The following DLGAP2 variants were observed in gnomAD, a reference collection of about 807,000 sequenced individuals.
The protein encoded by DLGAP2 is DLG associated protein 2.
Under a neutral mutation model 100.3 loss-of-function variants are expected in DLGAP2, and 26 were observed. The observed-to-expected ratio is 0.26, with a 90% confidence interval of 0.19 to 0.36. The LOEUF is 0.36. Ranked by LOEUF, DLGAP2 falls within the 10% of genes least tolerant of loss-of-function variation. DLGAP2 has a pLI of 1.00. For missense variants in DLGAP2, 1,858 were observed against 1,453.2 expected (o/e 1.28, Z -4.53); for synonymous variants, 886 against 630.1 (o/e 1.41, Z -6.08).
chr8:1,439,999 T>A (rs370070183), intron 3 of DLGAP2, among the ~76,000 whole-genome samples: 4 of 152,162 alleles, frequency 2.6e-5, no homozygotes, highest in African/African-American at 4.8e-5. Flanking sequence ...AGAGCCACAC[T>A]CTAGTAAGTG....
intron 2 of DLGAP2, among the ~76,000 whole-genome samples, chr8:1,229,979 C>T (rs1327733278): frequency 6.6e-6 from 1 of 152,176 alleles, no homozygotes; most frequent in Non-Finnish European, 1.5e-5. Context: ...GATGCCCACT[C>T]TCACCACTCC....
At chr8:1,554,269 C>A (rs1801880073) in intron 5 of DLGAP2, among the ~76,000 whole-genome samples, 1 of 151,658 alleles carries the variant, frequency 6.6e-6, no homozygotes, top group African/African-American at 2.4e-5. Flanking sequence ...GCCTGGGTGA[C>A]AGAGCAAGAC....
intron 4 of DLGAP2, among the ~76,000 whole-genome samples, chr8:1,531,241 C>CGTGTGTGTGTGTGTGT (rs58738870): frequency 4.9e-4 from 70 of 143,330 alleles, no homozygotes; most frequent in African/African-American, 1.6e-3. Flanking sequence ...AGAGCGTGTG[C>CGTGTGTGTGTGTGTGT]GTGTGTGTGT....
rs1020279686 is a variant in DLGAP2 at position 837,500 on chromosome 8, G to A, written c.19-70412G>A. On this transcript the variant is annotated intron_variant, in intron 1 of 14. Coordinates refer to ENST00000637795, the MANE Select transcript of DLGAP2 (RefSeq NM_001346810.2). ...TCCTTCTTTTCAACATTTTTATAGC[G>A]TGTTCATCACCATCCCTAGTTTAGT... Among the ~76,000 whole-genome samples the A allele has an allele frequency of 6.6e-5, 10 of 152,082 alleles. No homozygotes were observed. In the East Asian group the frequency reaches 1.5e-3, roughly 24 times the overall value.
At chr8:1,154,143 A>T (rs1461558922) in intron 2 of DLGAP2, among the ~76,000 whole-genome samples, 2 of 152,214 alleles carry the variant, frequency 1.3e-5, no homozygotes, top group Non-Finnish European at 2.9e-5. Context: ...AGATGGCTTC[A>T]TGTGGATATT....
rs192609438 is a variant in DLGAP2 at position 890,524 on chromosome 8, C to T, written c.19-17388C>T. Reference sequence around the variant, plus strand: ...CCTCTGCTCCGCCTTGCCAGGATGGCCCTTCTCTTCTGGGTCTCGATGGCG... The same window carrying T: ...CCTCTGCTCCGCCTTGCCAGGATGGTCCTTCTCTTCTGGGTCTCGATGGCG... On this transcript the variant is annotated intron_variant, in intron 1 of 14. Transcript: ENST00000637795. Among the ~76,000 whole-genome samples the T allele has an allele frequency of 3.2e-3, 481 of 152,042 alleles. 5 individuals are homozygous for T. Among genetic ancestry groups the T allele is most frequent in the Non-Finnish European group, 5.5e-3 (373 of 67,972 alleles).
At chr8:1,167,051 G>T (rs1436130450) in intron 2 of DLGAP2, among the ~76,000 whole-genome samples, 1 of 152,040 alleles carries the variant, frequency 6.6e-6, no homozygotes, top group Non-Finnish European at 1.5e-5. Context: ...TGGGAGGATC[G>T]CTTGAGCCCG....
intron 3 of DLGAP2, among the ~76,000 whole-genome samples, chr8:1,422,857 G>A (rs1797137030): frequency 6.6e-6 from 1 of 152,152 alleles, no homozygotes; most frequent in Non-Finnish European, 1.5e-5. Context: ...AGAGTTGGAT[G>A]CTGTGCTGTT....
chr8:785,301 A>G (rs1821814545), intron 1 of DLGAP2, among the ~76,000 whole-genome samples: 1 of 150,016 alleles, frequency 6.7e-6, no homozygotes, highest in Non-Finnish European at 1.5e-5. Context: ...TGCTTGAGCC[A>G]AAGCTCTGGG....
At chr8:1,173,295 G>T (rs980176639) in intron 2 of DLGAP2, among the ~76,000 whole-genome samples, 10 of 152,192 alleles carry the variant, frequency 6.6e-5, no homozygotes, top group Non-Finnish European at 1.2e-4. Context: ...GCCCCTACTG[G>T]GGGGTGCCTC....
chr8:1,185,425 C>T (rs1285811326), intron 2 of DLGAP2, among the ~76,000 whole-genome samples: 1 of 152,014 alleles, frequency 6.6e-6, no homozygotes, highest in Non-Finnish European at 1.5e-5. Flanking sequence ...GTCAGCTTTG[C>T]CTCTGGGATG....
At chr8:752,113 C>T (rs888612833) in intron 1 of DLGAP2, among the ~76,000 whole-genome samples, 2 of 152,204 alleles carry the variant, frequency 1.3e-5, no homozygotes, top group South Asian at 2.1e-4. Context: ...CTTGCCGCTT[C>T]GAGGTGAGGG....
chr8:1,160,361 C>T (rs752092494), intron 2 of DLGAP2, among the ~76,000 whole-genome samples: 5 of 152,156 alleles, frequency 3.3e-5, no homozygotes, highest in Admixed American at 6.5e-5. Flanking sequence ...GCCCCAAACT[C>T]GGGGCAAGGA....
chr8:1,420,114 C>G (rs952988161), intron 3 of DLGAP2, among the ~76,000 whole-genome samples: 2 of 152,126 alleles, frequency 1.3e-5, no homozygotes, highest in African/African-American at 2.4e-5. Flanking sequence ...TCCTGGAGGT[C>G]TGGGGTCGGG....
At chr8:965,583 A>G (rs111583799) in intron 2 of DLGAP2, among the ~76,000 whole-genome samples, 13 of 128,542 alleles carry the variant, frequency 1.0e-4, no homozygotes, top group East Asian at 2.6e-4. Context: ...TGCACACGGC[A>G]CTGTTCACCT....
chr8:1,407,955 T>A (rs1292351513), intron 3 of DLGAP2, among the ~76,000 whole-genome samples: 1 of 152,220 alleles, frequency 6.6e-6, no homozygotes, highest in South Asian at 2.1e-4. Context: ...CATTTCCTTG[T>A]TGGGGGTTGG....
chr8:1,567,911 C>G (rs1802466468), intron 6 of DLGAP2, among the ~76,000 whole-genome samples: 1 of 152,224 alleles, frequency 6.6e-6, no homozygotes, highest in Non-Finnish European at 1.5e-5. Flanking sequence ...GAAAGCATTC[C>G]ATGGCCTCAA....
chr8:853,679 C>A (rs540106881), intron 1 of DLGAP2, among the ~76,000 whole-genome samples: 2 of 152,326 alleles, frequency 1.3e-5, no homozygotes, highest in African/African-American at 2.4e-5. Context: ...GCAGCCACAC[C>A]GCCCCGTGCA....
chr8:1,214,592 T>C (rs1798174807), intron 2 of DLGAP2, among the ~76,000 whole-genome samples: 1 of 152,240 alleles, frequency 6.6e-6, no homozygotes, highest in Non-Finnish European at 1.5e-5. Context: ...ATTTATCCTG[T>C]GGCCTCTTTC....
Sources: allele counts gnomAD v4.1 joint callset (sites outside exome capture counted in the v4.1 genomes callset), GRCh38; gene constraint gnomAD v4.1.1; transcripts MANE v1.5; gene names NCBI Gene and HGNC (gene_info 2026-07-23, HGNC 2026-07-21).